The following PHAF1 variants were observed in gnomAD, a reference collection of about 807,000 sequenced individuals.
PHAF1 encodes phagosome assembly factor 1.
PHAF1 carries 23 observed loss-of-function variants against 63.1 expected under a neutral mutation model. That is an observed-to-expected ratio of 0.36 (90% confidence interval 0.26 to 0.52). The LOEUF is 0.52. PHAF1 is among the 20% of genes least tolerant of loss of function. The probability of loss-of-function intolerance (pLI) is 0.93; values close to 1 mark genes in which losing one functional copy is unlikely to be tolerated. For synonymous variants in PHAF1, 167 were observed against 185.0 expected (o/e 0.90, Z 0.79); for missense variants, 427 against 517.2 (o/e 0.83, Z 1.69).
chr16:67,123,910 A>G (rs1343226320), intron 2 of PHAF1, among the ~76,000 whole-genome samples: 1 of 152,242 alleles, frequency 6.6e-6, no homozygotes, highest in Non-Finnish European at 1.5e-5. Context: ...GATATTAACA[A>G]CTAGTAGCAG....
chr16:67,122,045 A>T (rs1963001343), intron 2 of PHAF1, among the ~76,000 whole-genome samples: 1 of 151,722 alleles, frequency 6.6e-6, no homozygotes, highest in Non-Finnish European at 1.5e-5. Flanking sequence ...CCACAGGTTC[A>T]TGCCACCAGG....
At chr16:67,140,701 G>A in intron 10 of PHAF1, 107 bp downstream of exon 10, 1 of 912,266 alleles carries the variant, frequency 1.1e-6, no homozygotes, top group South Asian at 1.5e-5. Context: ...TGGACATTGG[G>A]GAACCTAGCC....
chr16:67,145,923 C>T (rs2030017453), intron 14 of PHAF1, among the ~76,000 whole-genome samples: 1 of 152,146 alleles, frequency 6.6e-6, no homozygotes, highest in South Asian at 2.1e-4. Flanking sequence ...GCTGGCTGGC[C>T]TGGGCTCTTT....
intron 15 of PHAF1, among the ~76,000 whole-genome samples, 173 bp from the exon 16 acceptor site, chr16:67,146,872 C>G (rs2030136427): frequency 6.6e-6 from 1 of 152,158 alleles, no homozygotes; most frequent in Admixed American, 6.6e-5. Flanking sequence ...CATTGAGAAA[C>G]AGGCAGATCT....
At chr16:67,112,061 G>T (rs983530378) in intron 1 of PHAF1, among the ~76,000 whole-genome samples, 1 of 152,152 alleles carries the variant, frequency 6.6e-6, no homozygotes, top group Admixed American at 6.5e-5. Flanking sequence ...TGGAAGGCTG[G>T]TGATACCATG....
rs977953144 is a variant in PHAF1 at position 67,125,905 on chromosome 16, G to A, written c.148-54G>A. ...CATTTGTATTGTAAGGCTTTCAGTAGGTGCTTAGTGAATAAATCAGTTACT... is the reference window on the plus strand; with the variant it reads ...CATTTGTATTGTAAGGCTTTCAGTAAGTGCTTAGTGAATAAATCAGTTACT... On this transcript the variant is annotated intron_variant, in intron 2 of 15. Coordinates refer to ENST00000219139, the MANE Select transcript of PHAF1 (RefSeq NM_025187.5). The A allele has an allele frequency of 4.7e-6, 6 of 1,269,552 alleles. No individual in the cohort carries two copies. In the African/African-American group the frequency reaches 8.8e-5, roughly 19 times the overall value. The allele number at this position is 1,269,552 out of a possible 1,614,324, so 78.6% of individuals were successfully genotyped here. A position where few individuals can be genotyped will look rare whatever the true frequency, so the allele number is the denominator to read the frequency against.
chr16:67,118,766 C>CT (rs910658530), intron 1 of PHAF1, among the ~76,000 whole-genome samples: 2,079 of 100,006 alleles, frequency 0.021, 248 homozygotes, highest in Non-Finnish European at 0.028. Flanking sequence ...TGATCTTAAA[C>CT]TTTTTTTTTT....
chr16:67,116,962 CTT>C (rs774146961), intron 1 of PHAF1, among the ~76,000 whole-genome samples: 110 of 152,116 alleles, frequency 7.2e-4, no homozygotes, highest in Admixed American at 4.2e-3. Context: ...AACTATGAGT[CTT>C]TGTTTTTTGA....
chr16:67,115,822 G>C (rs1456623714), intron 1 of PHAF1, among the ~76,000 whole-genome samples: 2 of 152,114 alleles, frequency 1.3e-5, no homozygotes, highest in Non-Finnish European at 2.9e-5. Context: ...AAGATGCTGA[G>C]ACATCCTTTG....
intron 3 of PHAF1, among the ~76,000 whole-genome samples, chr16:67,129,069 A>G (rs1963295802): frequency 6.6e-6 from 1 of 152,182 alleles, no homozygotes; most frequent in Non-Finnish European, 1.5e-5. Context: ...CTGAAGGTAG[A>G]GGCTCTCTGC....
intron 3 of PHAF1, among the ~76,000 whole-genome samples, chr16:67,130,716 A>G (rs531892158): frequency 6.6e-6 from 1 of 152,292 alleles, no homozygotes; most frequent in South Asian, 2.1e-4. Context: ...AGATGGGAGG[A>G]AGGGGGCTTA....
rs778518017 is a variant in PHAF1, at chr16:67,132,550, C to T, written c.355+25C>T. On this transcript the variant is annotated intron_variant, in intron 5 of 15. Coordinates refer to ENST00000219139, the MANE Select transcript of PHAF1 (RefSeq NM_025187.5). The stretch of plus-strand genomic sequence containing the variant: ...GGTAAGCCAAGTCCATCTGATTCCT[C>T]TGGTCATCAGTGGCAGTTCATAGCA... 1.9e-5 allele frequency: 30 copies of T among 1,606,050 alleles called. No individual in the cohort carries two copies. The South Asian group carries it at 3.1e-4, about 16-fold the overall frequency.
chr16:67,128,818 G>A (rs535998676), intron 3 of PHAF1, among the ~76,000 whole-genome samples: 16 of 152,336 alleles, frequency 1.1e-4, no homozygotes, highest in Middle Eastern at 3.4e-3. Context: ...GTGCTGCTTC[G>A]TGCCCTGTGA....
At chr16:67,120,398 C>T (rs578070997) in intron 2 of PHAF1, among the ~76,000 whole-genome samples, 5 of 152,002 alleles carry the variant, frequency 3.3e-5, no homozygotes, top group Admixed American at 6.6e-5. Flanking sequence ...TTTGGAAGAG[C>T]GGTAGTAATT....
In PHAF1 at chr16:67,110,047, G is replaced by A; in HGVS notation, c.-129G>A. 4.3e-6 allele frequency: 4 copies of A among 934,606 alleles called. No individual in the cohort carries two copies. The highest frequency in any genetic ancestry group is 4.9e-6 in the Non-Finnish European group (3 of 615,370). 57.9% of individuals were successfully genotyped at this position (934,606 alleles called of 1,614,324 possible). ...GCCGGTGCTGCTGCCGCTGCCGCCGGGGAGGAGGTGGAAAGCGGGGCTGTG... is the reference window on the plus strand; with the variant it reads ...GCCGGTGCTGCTGCCGCTGCCGCCGAGGAGGAGGTGGAAAGCGGGGCTGTG... On this transcript the variant is annotated 5_prime_UTR_variant, in exon 1 of 16. Transcript: ENST00000219139.
At chr16:67,134,676 C>G (rs1567649570) in intron 8 of PHAF1, 1 of 660,634 alleles carries the variant, frequency 1.5e-6, no homozygotes, top group East Asian at 3.0e-5. Flanking sequence ...GATTCAGTAT[C>G]TGGATGCGCC....
At chr16:67,144,987 G>A (rs1417569681) in intron 12 of PHAF1, 110 bp downstream of exon 12, 7 of 1,355,758 alleles carry the variant, frequency 5.2e-6, no homozygotes, top group Non-Finnish European at 7.4e-6. Flanking sequence ...TTCTGCCCAT[G>A]GCCTCAGTTC....
chr16:67,145,382 C>T lies in PHAF1; in HGVS notation c.1013C>T (p.Ala338Val). The T allele has an allele frequency of 6.2e-7, 1 of 1,614,144 alleles. No individual in the cohort carries two copies. The highest frequency in any genetic ancestry group is 2.2e-5 in the East Asian group (1 of 44,880). Reference sequence around the variant, plus strand: ...CACTGTCTTCTCTTTTCAGAAAACGCAGATGGTCAGACAGAAACATGCACG... The same window carrying T: ...CACTGTCTTCTCTTTTCAGAAAACGTAGATGGTCAGACAGAAACATGCACG... ...KIPLAIKKEN[A>V]DGQTETCTTY... The change falls in exon 13 of 16, where the codon GCA (alanine) becomes GTA (valine). Residue 338 changes from alanine to valine, a missense_variant. Transcript: ENST00000219139.
intron 8 of PHAF1, among the ~76,000 whole-genome samples, chr16:67,137,429 A>G (rs1322790615): frequency 6.6e-6 from 1 of 151,766 alleles, no homozygotes. Flanking sequence ...AGCGATTCTC[A>G]TGCCTCAGCC....
Sources: gnomAD v4.1 joint callset for allele counts (sites outside exome capture counted in the v4.1 genomes callset) on GRCh38, gnomAD v4.1.1 for gene constraint, MANE v1.5 for transcripts, NCBI Gene and HGNC (gene_info 2026-07-23, HGNC 2026-07-21) for gene names.